The following COL6A6 variants were observed in gnomAD, a reference collection of about 807,000 sequenced individuals.
The protein encoded by COL6A6 is collagen alpha-6(VI) chain.
COL6A6 carries 183 observed loss-of-function variants against 208.6 expected under a neutral mutation model. That is an observed-to-expected ratio of 0.88 (90% confidence interval 0.78 to 0.99). COL6A6 has a LOEUF of 0.99. COL6A6 is among the 50% of genes least tolerant of loss of function. COL6A6 has a pLI of 0.00. For missense variants in COL6A6, 2,816 were observed against 2,815.2 expected (o/e 1.00, Z -0.01); for synonymous variants, 973 against 1,011.8 (o/e 0.96, Z 0.73).
intron 1 of COL6A6, among the ~76,000 whole-genome samples, chr3:130,541,118 G>GA (rs1481278122): frequency 3.9e-5 from 6 of 151,916 alleles, no homozygotes; most frequent in Admixed American, 1.3e-4. Context: ...AATTTACAAG[G>GA]AAAAAAACAA....
chr3:130,614,033 C>T (rs536134102), intron 23 of COL6A6, among the ~76,000 whole-genome samples: 7 of 152,100 alleles, frequency 4.6e-5, no homozygotes, highest in Non-Finnish European at 8.8e-5. Context: ...GTTGCTCTAG[C>T]CAGGACTTCC....
At chr3:130,528,897 C>G (rs2062020539) in intron 1 of COL6A6, among the ~76,000 whole-genome samples, 1 of 152,156 alleles carries the variant, frequency 6.6e-6, no homozygotes, top group South Asian at 2.1e-4. Flanking sequence ...CGAAACCATC[C>G]TGGCTGACAC....
chr3:130,606,741 A>G (rs1037771271), intron 20 of COL6A6, among the ~76,000 whole-genome samples, 190 bp from the exon 21 acceptor site: 57 of 152,300 alleles, frequency 3.7e-4, no homozygotes, highest in Admixed American at 3.1e-3. Context: ...CAAATATTCA[A>G]TTGCCCTAGG....
At chr3:130,653,281 G>A (rs546288932) in intron 33 of COL6A6, among the ~76,000 whole-genome samples, 21 of 152,188 alleles carry the variant, frequency 1.4e-4, no homozygotes, top group African/African-American at 4.3e-4. Context: ...GCTGTGTGGC[G>A]TCGCAGCTAA....
intron 3 of COL6A6, 87 bp from the exon 4 acceptor site, chr3:130,564,907 T>G: frequency 6.9e-7 from 1 of 1,443,110 alleles, no homozygotes; most frequent in Non-Finnish European, 9.5e-7. Flanking sequence ...AACTGAGCTC[T>G]GCTGTATGGT....
intron 20 of COL6A6, among the ~76,000 whole-genome samples, chr3:130,605,273 C>A (rs900768465): frequency 1.3e-5 from 2 of 152,008 alleles, no homozygotes; most frequent in Non-Finnish European, 2.9e-5. Context: ...TCTATCTTTC[C>A]CCTTTTTTAT....
At chr3:130,536,599 T>C (rs1379554163) in intron 1 of COL6A6, among the ~76,000 whole-genome samples, 1 of 152,180 alleles carries the variant, frequency 6.6e-6, no homozygotes, top group East Asian at 1.9e-4. Flanking sequence ...GGATGTAATA[T>C]TTAAACACAC....
At chr3:130,660,918 C>T (rs971732316) in intron 34 of COL6A6, among the ~76,000 whole-genome samples, 2 of 152,148 alleles carry the variant, frequency 1.3e-5, no homozygotes, top group African/African-American at 4.8e-5. Flanking sequence ...CCTTTAAGAA[C>T]CTTCCATTTC....
Position 130,634,629 on chromosome 3 carries a change from C to G in COL6A6, c.5028+4C>G. 6.2e-7 allele frequency: 1 copy of G among 1,604,190 alleles called. No homozygotes were observed. The highest frequency in any genetic ancestry group is 8.5e-7 in the Non-Finnish European group (1 of 1,174,208). ...CCCTGGAGAAAGTGGACCTAAGGTA[C>G]CGTGTGCTTCCTAGTAACTAGAGAT... On this transcript the variant is annotated splice_donor_region_variant and intron_variant, in intron 27 of 36. Transcript: ENST00000358511.
chr3:130,665,036 A>C lies in COL6A6; in HGVS notation c.6536A>C (p.Lys2179Thr). Residue 2179 changes from lysine to threonine, a missense_variant, in exon 36 of 37, where the codon AAA (lysine) becomes ACA (threonine). By Grantham distance (78) the Lys-to-Thr change is moderately conservative. Coordinates refer to ENST00000358511, the MANE Select transcript of COL6A6 (RefSeq NM_001102608.3). ...AACAAATATCCACCAATAAACTTAA[A>C]AATAAAGTGCAACAGACTTAACTCT... Reference protein sequence around the residue: ...AINKYPPINLKIKCNRLNSID... With the variant: ...AINKYPPINLTIKCNRLNSID... The C allele has an allele frequency of 2.5e-6, 4 of 1,609,024 alleles. No individual in the cohort carries two copies. The highest frequency in any genetic ancestry group is 3.4e-6 in the Non-Finnish European group (4 of 1,177,586).
intron 34 of COL6A6, 32 bp from the exon 35 acceptor site, chr3:130,661,605 C>A: frequency 6.5e-7 from 1 of 1,544,826 alleles, no homozygotes; most frequent in Non-Finnish European, 8.8e-7. Flanking sequence ...TCTATTTCTA[C>A]TTAGTAACCC....
chr3:130,658,841 C>A, intron 34 of COL6A6, 69 bp downstream of exon 34: 3 of 1,112,658 alleles, frequency 2.7e-6, no homozygotes, highest in South Asian at 1.3e-5. Flanking sequence ...CTGGCAGGGG[C>A]AACTGGAACT....
chr3:130,668,392 C>T (rs538648224), intron 36 of COL6A6, among the ~76,000 whole-genome samples: 2 of 151,976 alleles, frequency 1.3e-5, no homozygotes, highest in African/African-American at 4.8e-5. Flanking sequence ...GCAGGAGAAT[C>T]GCTTGAACCC....
At chr3:130,570,605 C>A (rs1020992006) in intron 6 of COL6A6, among the ~76,000 whole-genome samples, 1 of 152,090 alleles carries the variant, frequency 6.6e-6, no homozygotes, top group Non-Finnish European at 1.5e-5. Context: ...CACTGACTCC[C>A]GCCTTATCTT....
intron 1 of COL6A6, among the ~76,000 whole-genome samples, chr3:130,530,177 T>G (rs1343538767): frequency 6.6e-6 from 1 of 152,228 alleles, no homozygotes; most frequent in Non-Finnish European, 1.5e-5. Flanking sequence ...ACCCTGGCTC[T>G]GTTGCTTAAA....
intron 1 of COL6A6, among the ~76,000 whole-genome samples, chr3:130,547,202 C>A (rs943484841): frequency 6.6e-6 from 1 of 152,248 alleles, no homozygotes; most frequent in Non-Finnish European, 1.5e-5. Context: ...CGAGCCATGC[C>A]CCGCAGGGAG....
At chr3:130,652,557 G>C (rs2108419401) in intron 33 of COL6A6, among the ~76,000 whole-genome samples, 1 of 152,284 alleles carries the variant, frequency 6.6e-6, no homozygotes. Flanking sequence ...AAAACCAAAA[G>C]GCCCACCCTG....
Position 130,567,017 on chromosome 3 carries a change from G to A in COL6A6, c.1598G>A (p.Arg533Gln), listed in dbSNP as rs763062555. The A allele has an allele frequency of 1.9e-6, 3 of 1,614,034 alleles. No individual in the cohort carries two copies. The highest frequency in any genetic ancestry group is 2.2e-5 in the East Asian group (1 of 44,882). Residue 533 changes from arginine (R) to glutamine (Q), a missense_variant, in exon 5 of 37, where the codon CGA becomes CAA. By Grantham distance (43) the Arg-to-Gln change is conservative (BLOSUM62 1). Coordinates refer to ENST00000358511, the MANE Select transcript of COL6A6 (RefSeq NM_001102608.3). ...CTGTTGCAAAAAGCAAAGAAGCAGC[G>A]AGGAAACAAAGTTCCATGCCACCTT... ...LSLLQKAKKQ[R>Q]GNKVPCHLVV...
intron 23 of COL6A6, among the ~76,000 whole-genome samples, chr3:130,621,418 C>T (rs1047093778): frequency 1.3e-5 from 2 of 152,114 alleles, no homozygotes; most frequent in Non-Finnish European, 2.9e-5. Flanking sequence ...CAATAAAGAT[C>T]ATTTTGTCTT....
Sources: allele counts gnomAD v4.1 joint callset (sites outside exome capture counted in the v4.1 genomes callset), GRCh38; gene constraint gnomAD v4.1.1; transcripts MANE v1.5; gene names NCBI Gene and HGNC (gene_info 2026-07-23, HGNC 2026-07-21).